Variants in PALLD observed in about 807,000 individuals in gnomAD.
PALLD encodes the protein palladin, cytoskeletal associated protein, also known as palladin.
A neutral mutation model predicts 123.5 loss-of-function variants in PALLD; 61 were observed. The ratio of observed to expected loss-of-function variants is 0.49; its 90% CI spans 0.40 to 0.61. The LOEUF is 0.61. Among genes scored for constraint, PALLD ranks in the 20% least tolerant of loss-of-function variants. PALLD has a pLI of 0.00. For missense variants in PALLD, 1,273 were observed against 1,377.0 expected (o/e 0.92, Z 1.20); for synonymous variants, 465 against 496.4 (o/e 0.94, Z 0.84).
chr4:168,876,877 C>T (rs1487803479), intron 10 of PALLD, among the ~76,000 whole-genome samples: 2 of 152,146 alleles, frequency 1.3e-5, no homozygotes, highest in South Asian at 2.1e-4. Flanking sequence ...GGAAAACATC[C>T]TGGATGTACA....
intron 17 of PALLD, among the ~76,000 whole-genome samples, chr4:168,918,416 A>C (rs1760715226): frequency 6.6e-6 from 1 of 152,036 alleles, no homozygotes. Context: ...ACATAATGTT[A>C]AGTGAAATAG....
chr4:168,828,291 TG>T (rs1487738047), intron 10 of PALLD, among the ~76,000 whole-genome samples: 1 of 152,188 alleles, frequency 6.6e-6, no homozygotes, highest in Non-Finnish European at 1.5e-5. Flanking sequence ...TGCTGCTACA[TG>T]GAAATAAAAT....
At position 168,842,653 on chromosome 4, in the gene PALLD, A is replaced by T. The variant is rs148547152; in HGVS notation, c.1965-48269A>T. ...TTGCCTTGAGTCTTCTCTTAAAGCA[A>T]AAAGACTAGAGGAGAGGAGTGCTAC... On this transcript the variant is annotated intron_variant, in intron 10 of 21. Transcript: ENST00000505667. 1.8e-3 allele frequency among the ~76,000 whole-genome samples: 279 copies of T among 152,332 alleles called. 3 individuals are homozygous for T. The highest frequency in any genetic ancestry group is 6.4e-3 in the African/African-American group (267 of 41,582).
intron 2 of PALLD, among the ~76,000 whole-genome samples, chr4:168,584,186 C>T (rs1464437489): frequency 6.6e-6 from 1 of 151,076 alleles, no homozygotes; most frequent in Non-Finnish European, 1.5e-5. Context: ...AATCTAGCAC[C>T]AGCTTATATA....
At chr4:168,823,975 A>G (rs1281058554) in intron 10 of PALLD, among the ~76,000 whole-genome samples, 2 of 152,242 alleles carry the variant, frequency 1.3e-5, no homozygotes. Flanking sequence ...ATGACACCAA[A>G]GTTATGTCAA....
rs778908023 is a variant in PALLD, at chr4:168,587,513, C to T, written c.908+75101C>T. On this transcript the variant is annotated intron_variant, in intron 2 of 21. Coordinates refer to ENST00000505667, the MANE Select transcript of PALLD (RefSeq NM_001166108.2). ...CCAGTCTCTGCCAGGGACTCCAAAG[C>T]GCAGGGAGGCTTCAGTGCTAGGGAG... Among the ~76,000 whole-genome samples, 16 of 152,098 alleles carry T rather than the reference C, an allele frequency of 1.1e-4. No homozygotes were observed. The South Asian group carries it at 1.2e-3, about 12-fold the overall frequency.
intron 2 of PALLD, chr4:168,648,530 T>A (rs1777712702): frequency 6.6e-6 from 1 of 152,222 alleles, no homozygotes; most frequent in Non-Finnish European, 1.5e-5. Context: ...TTAGTCCTAA[T>A]AAATCCGAGG....
intron 2 of PALLD, chr4:168,530,681 A>T (rs1226927655): frequency 1.3e-5 from 2 of 152,168 alleles, no homozygotes; most frequent in African/African-American, 4.8e-5. Context: ...TTATGAGCTG[A>T]ATAAACTTCA....
intron 10 of PALLD, among the ~76,000 whole-genome samples, chr4:168,718,932 G>A (rs1785655502): frequency 7.3e-6 from 1 of 136,546 alleles, no homozygotes; most frequent in African/African-American, 2.7e-5. Context: ...TTTTGAGACG[G>A]AGTCTCGCTC....
chr4:168,900,581 G>C (rs1560886047), intron 14 of PALLD, among the ~76,000 whole-genome samples: 1 of 152,084 alleles, frequency 6.6e-6, no homozygotes, highest in Admixed American at 6.5e-5. Context: ...TAGCTCCATG[G>C]CATTGTTTTG....
At chr4:168,814,214 G>T (rs1302412582) in intron 10 of PALLD, among the ~76,000 whole-genome samples, 1 of 152,186 alleles carries the variant, frequency 6.6e-6, no homozygotes, top group Non-Finnish European at 1.5e-5. Flanking sequence ...GAAATTATCA[G>T]TGTGAAGGCT....
intron 10 of PALLD, among the ~76,000 whole-genome samples, chr4:168,761,645 GTTTTTTTT>G (rs70961555): frequency 2.8e-4 from 25 of 88,012 alleles, no homozygotes; most frequent in South Asian, 1.0e-3. Flanking sequence ...GTTGTTGTTT[GTTTTTTTT>G]TTTTTTTTTT....
intron 10 of PALLD, chr4:168,755,942 GA>G (rs1286457719): frequency 1.2e-5 from 2 of 168,474 alleles, no homozygotes; most frequent in Non-Finnish European, 2.5e-5. Context: ...CGTCAGTATA[GA>G]ACTCGGGCTC....
intron 2 of PALLD, among the ~76,000 whole-genome samples, chr4:168,643,462 G>A (rs1777149318): frequency 6.6e-6 from 1 of 152,166 alleles, no homozygotes; most frequent in Admixed American, 6.5e-5. Context: ...TGTGCTCTAT[G>A]CCGTGTATGA....
intron 2 of PALLD, among the ~76,000 whole-genome samples, chr4:168,580,717 T>G (rs142404279): frequency 2.1e-3 from 314 of 152,066 alleles, no homozygotes; most frequent in African/African-American, 6.6e-3. Context: ...AAACATGGAA[T>G]CAACCTAAAT....
intron 2 of PALLD, among the ~76,000 whole-genome samples, chr4:168,597,486 A>G (rs1772112888): frequency 1.3e-5 from 2 of 152,070 alleles, no homozygotes; most frequent in Admixed American, 1.3e-4. Flanking sequence ...CAAAATCTAG[A>G]ATAATAACAT....
intron 10 of PALLD, among the ~76,000 whole-genome samples, chr4:168,834,021 T>A (rs1744741224): frequency 6.7e-6 from 1 of 149,332 alleles, no homozygotes; most frequent in Non-Finnish European, 1.5e-5. Flanking sequence ...GCTTTACTTA[T>A]TTTTTTTACT....
chr4:168,644,793 G>C (rs968636075), intron 2 of PALLD, among the ~76,000 whole-genome samples: 1 of 152,050 alleles, frequency 6.6e-6, no homozygotes, highest in Admixed American at 6.6e-5. Context: ...CATGAAAATA[G>C]CATATGCATC....
intron 2 of PALLD, among the ~76,000 whole-genome samples, chr4:168,617,006 T>A (rs1355760322): frequency 6.6e-6 from 1 of 152,170 alleles, no homozygotes; most frequent in Non-Finnish European, 1.5e-5. Flanking sequence ...TGTGAGCAGC[T>A]TAAAAGACAG....
Sources: allele counts gnomAD v4.1 joint callset (sites outside exome capture counted in the v4.1 genomes callset), GRCh38; gene constraint gnomAD v4.1.1; transcripts MANE v1.5; gene names NCBI Gene and HGNC (gene_info 2026-07-23, HGNC 2026-07-21).